IQCM: variants seen among roughly 807,000 people sequenced by gnomAD.
The protein encoded by IQCM is IQ domain-containing protein M.
IQCM carries 45 observed loss-of-function variants against 57.6 expected under a neutral mutation model. That is an observed-to-expected ratio of 0.78 (90% CI 0.62 to 1.00). IQCM has a LOEUF of 1.00. IQCM is among the 50% of genes least tolerant of loss of function. The probability of loss-of-function intolerance (pLI) is 0.00; values close to 1 mark genes in which losing one functional copy is unlikely to be tolerated. For synonymous variants in IQCM, 148 were observed against 158.9 expected, an observed-to-expected ratio of 0.93 and a Z score of 0.51; for missense variants, 468 against 511.6, an observed-to-expected ratio of 0.91 and a Z score of 0.82.
intron 8 of IQCM, among the ~76,000 whole-genome samples, chr4:149,605,918 G>A (rs546936943): frequency 1.7e-4 from 26 of 152,248 alleles, no homozygotes; most frequent in African/African-American, 6.0e-4. Context: ...GTAAAATAAA[G>A]TACCAGAAAA....
intron 12 of IQCM, among the ~76,000 whole-genome samples, chr4:149,462,538 A>C (rs1002662137): frequency 6.6e-6 from 1 of 152,088 alleles, no homozygotes; most frequent in African/African-American, 2.4e-5. Context: ...ACCTACATAA[A>C]ACAGTACAAA....
chr4:149,541,510 G>A (rs1166778423), intron 12 of IQCM, among the ~76,000 whole-genome samples: 7 of 152,018 alleles, frequency 4.6e-5, no homozygotes, highest in Non-Finnish European at 7.4e-5. Flanking sequence ...CTAGACAGAA[G>A]TATAAGTAGA....
At chr4:149,775,664 T>A (rs1771024381) in intron 2 of IQCM, among the ~76,000 whole-genome samples, 1 of 151,724 alleles carries the variant, frequency 6.6e-6, no homozygotes, top group African/African-American at 2.4e-5. Context: ...TAAATTATAC[T>A]TTGCTTGCCC....
chr4:149,673,928 A>G (rs930873515), intron 7 of IQCM, among the ~76,000 whole-genome samples: 1 of 152,104 alleles, frequency 6.6e-6, no homozygotes, highest in Admixed American at 6.6e-5. Context: ...TGAGCCATGA[A>G]AGCAAACTCT....
intron 12 of IQCM, among the ~76,000 whole-genome samples, chr4:149,443,683 G>C: frequency 1.0e-5 from 1 of 98,988 alleles, no homozygotes; most frequent in Non-Finnish European, 2.3e-5. Flanking sequence ...GGAAAGGAAA[G>C]GAAAGGAAAG....
chr4:149,422,069 T>C (rs1318353682), intron 13 of IQCM, among the ~76,000 whole-genome samples: 1 of 151,826 alleles, frequency 6.6e-6, no homozygotes, highest in Non-Finnish European at 1.5e-5. Flanking sequence ...TGAAAACATC[T>C]TCACTTCACT....
rs114541855 is a variant in IQCM at position 149,754,321 on chromosome 4, C to G, written c.-48-11582G>C. The stretch of plus-strand genomic sequence containing the variant: ...ACTCAACATTAAAGCCCCTCCCCGC[C>G]CCGGGGAGTCTTCGCTAGACTGCAT... On this transcript the variant is annotated intron_variant, in intron 2 of 13. Transcript: ENST00000636793. Among the ~76,000 whole-genome samples, 648 of 152,252 alleles carry G rather than the reference C, an allele frequency of 4.3e-3. 5 individuals carry two copies. Among genetic ancestry groups the G allele is most frequent in the African/African-American group, 0.012 (517 of 41,548 alleles).
chr4:149,526,394 A>T (rs1252189826), intron 12 of IQCM, among the ~76,000 whole-genome samples: 5 of 152,048 alleles, frequency 3.3e-5, no homozygotes, highest in Admixed American at 3.3e-4. Context: ...ATGTACTTTC[A>T]TATGCATATA....
intron 12 of IQCM, among the ~76,000 whole-genome samples, chr4:149,451,230 T>A (rs1410970827): frequency 6.6e-6 from 1 of 151,604 alleles, no homozygotes; most frequent in Non-Finnish European, 1.5e-5. Flanking sequence ...GATTAATGGG[T>A]ACAAAAAAAT....
rs1304245131 is a variant in IQCM at position 149,809,453 on chromosome 4, G to A, written c.-49+5858C>T. On this transcript the variant is annotated intron_variant, in intron 2 of 13. Transcript: ENST00000636793. ...TTGTTTGTTTAGCTTTAATGTATACGGACATATTTATTTTAATTGACTTAA... is the reference window on the plus strand; with the variant it reads ...TTGTTTGTTTAGCTTTAATGTATACAGACATATTTATTTTAATTGACTTAA... Among the ~76,000 whole-genome samples, 7 of 151,784 alleles carry A rather than the reference G, an allele frequency of 4.6e-5. No homozygotes were observed. The East Asian group carries it at 7.7e-4, about 17-fold the overall frequency.
intron 13 of IQCM, among the ~76,000 whole-genome samples, chr4:149,400,493 C>T (rs577448039): frequency 2.0e-4 from 31 of 152,016 alleles, no homozygotes; most frequent in Non-Finnish European, 4.1e-4. Context: ...CCACTATTTC[C>T]AGCCACATAC....
intron 8 of IQCM, among the ~76,000 whole-genome samples, chr4:149,619,107 G>GATATATATATATAAATAT (rs1756069428): frequency 7.9e-6 from 1 of 126,762 alleles, no homozygotes; most frequent in African/African-American, 3.1e-5. Flanking sequence ...ATGTGGGATG[G>GATATATATATATAAATAT]ATATATATAT....
At chr4:149,673,797 C>T (rs1414926221) in intron 7 of IQCM, among the ~76,000 whole-genome samples, 2 of 152,096 alleles carry the variant, frequency 1.3e-5, no homozygotes, top group East Asian at 1.9e-4. Context: ...CAGAACTCTC[C>T]ACCCCAAATC....
chr4:149,468,912 C>A (rs923195292), intron 12 of IQCM, among the ~76,000 whole-genome samples: 1 of 152,178 alleles, frequency 6.6e-6, no homozygotes, highest in Non-Finnish European at 1.5e-5. Context: ...AGCTGTGGGT[C>A]CTGACTGTTA....
intron 13 of IQCM, among the ~76,000 whole-genome samples, chr4:149,423,995 T>A (rs928623197): frequency 3.9e-5 from 6 of 151,928 alleles, no homozygotes; most frequent in African/African-American, 1.4e-4. Flanking sequence ...ATAATAAAAA[T>A]GTATTTATCC....
At chr4:149,546,431 C>T (rs1748440441) in intron 12 of IQCM, among the ~76,000 whole-genome samples, 1 of 152,180 alleles carries the variant, frequency 6.6e-6, no homozygotes, top group African/African-American at 2.4e-5. Flanking sequence ...TTTACAGTCC[C>T]ACCAACAGTG....
chr4:149,726,836 G>C (rs930157065), intron 5 of IQCM, among the ~76,000 whole-genome samples: 1 of 151,710 alleles, frequency 6.6e-6, no homozygotes, highest in African/African-American at 2.4e-5. Context: ...CTCCCAGCTA[G>C]AGTGCAGTGG....
intron 13 of IQCM, among the ~76,000 whole-genome samples, chr4:149,401,152 G>T (rs1018607272): frequency 6.6e-6 from 1 of 151,614 alleles, no homozygotes; most frequent in East Asian, 2.0e-4. Flanking sequence ...GAAGGGATAC[G>T]ATGATGTAAG....
intron 12 of IQCM, among the ~76,000 whole-genome samples, chr4:149,513,910 T>G (rs114056484): frequency 2.6e-3 from 397 of 152,190 alleles, no homozygotes; most frequent in Non-Finnish European, 4.5e-3. Flanking sequence ...CCAGAAATAT[T>G]AGGATAATGT....
Sources: gnomAD v4.1 joint callset for allele counts (sites outside exome capture counted in the v4.1 genomes callset) on GRCh38, gnomAD v4.1.1 for gene constraint, MANE v1.5 for transcripts, NCBI Gene and HGNC (gene_info 2026-07-23, HGNC 2026-07-21) for gene names.